Variants in FHIT observed in about 807,000 individuals in gnomAD.
The protein encoded by FHIT is fragile histidine triad diadenosine triphosphatase, also known as bis(5'-adenosyl)-triphosphatase.
Under a neutral mutation model 17.9 loss-of-function variants are expected in FHIT, and 19 were observed. The observed-to-expected ratio is 1.06, with a 90% CI of 0.74 to 1.56. The LOEUF (loss-of-function observed/expected upper bound fraction) is 1.56, where lower values mean the gene tolerates loss of function less well. Ranked by LOEUF, FHIT falls within the 40% of genes most tolerant of loss-of-function variation. The probability of loss-of-function intolerance (pLI) is 0.00; values close to 1 mark genes in which losing one functional copy is unlikely to be tolerated. For missense variants in FHIT, 248 were observed against 189.2 expected (o/e 1.31, Z -1.82); for synonymous variants, 81 against 69.7 (o/e 1.16, Z -0.81).
intron 5 of FHIT, among the ~76,000 whole-genome samples, chr3:60,188,207 C>CTTTTTTTTTTTTTTTTTT (rs1210975877): frequency 3.2e-5 from 4 of 125,574 alleles, no homozygotes; most frequent in African/African-American, 5.9e-5. Flanking sequence ...CAGTTTCTTT[C>CTTTTTTTTTTTTTTTTTT]TTTTTTTTTT....
rs1205507136 is a variant in FHIT at position 60,127,585 on chromosome 3, G to C, written c.104-113433C>G. Among the ~76,000 whole-genome samples, 3 of 151,996 alleles carry C rather than the reference G, an allele frequency of 2.0e-5. No homozygotes were observed. In the East Asian group the frequency reaches 5.8e-4, roughly 29 times the overall value. ...CATCTTATTTTTTATGCTTAAATAA[G>C]AACATTTTATTTATTTTTTATATCT... On this transcript the variant is annotated intron_variant, in intron 5 of 9. Coordinates refer to ENST00000492590, the MANE Select transcript of FHIT (RefSeq NM_002012.4).
In FHIT at chr3:60,314,705, T is replaced by C. The variant is rs149680854; in HGVS notation, c.103+222155A>G. On this transcript the variant is annotated intron_variant, in intron 5 of 9. Transcript: ENST00000492590. ...TGGCAGAATAAAAATGGCCACAAAATCTTTAACATTCCTTCCATCCAGAAG... is the reference window on the plus strand; with the variant it reads ...TGGCAGAATAAAAATGGCCACAAAACCTTTAACATTCCTTCCATCCAGAAG... Among the ~76,000 whole-genome samples the C allele has an allele frequency of 3.9e-3, 588 of 152,238 alleles. 16 individuals are homozygous for C. In the South Asian group the frequency reaches 0.067, roughly 17 times the overall value.
At chr3:59,888,275 A>G (rs1208304614) in intron 8 of FHIT, among the ~76,000 whole-genome samples, 2 of 152,214 alleles carry the variant, frequency 1.3e-5, no homozygotes, top group African/African-American at 4.8e-5. Context: ...ATAATTTTAA[A>G]AGTAGTCATG....
intron 4 of FHIT, among the ~76,000 whole-genome samples, chr3:60,751,362 A>C (rs532604298): frequency 2.0e-5 from 3 of 152,192 alleles, no homozygotes; most frequent in Non-Finnish European, 4.4e-5. Flanking sequence ...ATTGTTCTCA[A>C]ATATTTTTTT....
intron 8 of FHIT, among the ~76,000 whole-genome samples, chr3:59,788,096 C>A (rs1343968011): frequency 6.6e-6 from 1 of 152,180 alleles, no homozygotes; most frequent in East Asian, 1.9e-4. Flanking sequence ...TTGATGGTAG[C>A]AAAGGACACA....
intron 2 of FHIT, among the ~76,000 whole-genome samples, chr3:61,171,963 G>A (rs1011935941): frequency 1.3e-5 from 2 of 152,154 alleles, no homozygotes; most frequent in Non-Finnish European, 2.9e-5. Flanking sequence ...TAAACGTAGT[G>A]GTTTTGCTGA....
At chr3:60,373,644 A>G (rs1700429010) in intron 5 of FHIT, among the ~76,000 whole-genome samples, 2 of 152,192 alleles carry the variant, frequency 1.3e-5, no homozygotes, top group Admixed American at 6.5e-5. Flanking sequence ...GGTAGTAGGG[A>G]GACCAGCAAT....
intron 3 of FHIT, among the ~76,000 whole-genome samples, chr3:60,910,473 G>A (rs956047792): frequency 8.7e-5 from 13 of 149,028 alleles, no homozygotes; most frequent in East Asian, 4.0e-4. Context: ...GTGCAGTGGC[G>A]CAATCTTGGC....
intron 3 of FHIT, among the ~76,000 whole-genome samples, chr3:61,006,549 T>C (rs941902349): frequency 1.7e-4 from 25 of 151,510 alleles, no homozygotes; most frequent in African/African-American, 5.8e-4. Context: ...GAAAAAAAAG[T>C]ATGAAAAATC....
rs80202951 is a variant in FHIT, at chr3:60,874,275, G to A, written c.-110-52264C>T. Among the ~76,000 whole-genome samples, 924 of 152,186 alleles carry A rather than the reference G, an allele frequency of 6.1e-3. 3 individuals carry two copies. Among genetic ancestry groups the A allele is most frequent in the Middle Eastern group, 0.014 (4 of 294 alleles). ...TGCTGCTATCAGCAGCAGCAGCATC[G>A]GTCGGCAATCACGCCAACACTCCTC... On this transcript the variant is annotated intron_variant, in intron 3 of 9. Coordinates refer to ENST00000492590, the MANE Select transcript of FHIT (RefSeq NM_002012.4).
intron 4 of FHIT, among the ~76,000 whole-genome samples, chr3:60,592,573 C>T (rs554104493): frequency 1.2e-4 from 19 of 152,258 alleles, no homozygotes; most frequent in African/African-American, 4.3e-4. Context: ...GATGGCATTC[C>T]AGCCATGCCA....
chr3:60,488,534 C>G (rs1464491222), intron 5 of FHIT, among the ~76,000 whole-genome samples: 3 of 152,080 alleles, frequency 2.0e-5, no homozygotes, highest in Admixed American at 6.6e-5. Flanking sequence ...AGGATCTAGA[C>G]ATTGGTTCTG....
intron 4 of FHIT, chr3:60,730,251 A>C (rs148720290): frequency 2.9e-4 from 76 of 262,764 alleles, no homozygotes; most frequent in African/African-American, 1.6e-3. Context: ...CAGCCAGCTC[A>C]CTGATCATTT....
chr3:60,103,978 G>T (rs542249438), intron 5 of FHIT, among the ~76,000 whole-genome samples: 2 of 152,286 alleles, frequency 1.3e-5, no homozygotes, highest in East Asian at 3.9e-4. Context: ...CAGAAAGGAA[G>T]TAATTCCTAT....
chr3:60,191,887 G>A (rs1702416503), intron 5 of FHIT, among the ~76,000 whole-genome samples: 1 of 152,044 alleles, frequency 6.6e-6, no homozygotes, highest in South Asian at 2.1e-4. Flanking sequence ...GCCAATTACA[G>A]AAAATGAAAA....
At chr3:60,535,985 T>C (rs2035967201) in intron 5 of FHIT, 1 of 152,110 alleles carries the variant, frequency 6.6e-6, no homozygotes, top group Admixed American at 6.6e-5. Context: ...CAAAATCATG[T>C]CTCAGCGTGG....
intron 7 of FHIT, among the ~76,000 whole-genome samples, chr3:59,978,027 T>C (rs562666797): frequency 6.6e-6 from 1 of 152,322 alleles, no homozygotes; most frequent in East Asian, 1.9e-4. Context: ...GCATTTACTA[T>C]GTGCCAAACA....
At chr3:60,882,528 T>C (rs1223989515) in intron 3 of FHIT, among the ~76,000 whole-genome samples, 2 of 152,178 alleles carry the variant, frequency 1.3e-5, no homozygotes, top group African/African-American at 4.8e-5. Context: ...CATGATCAAG[T>C]GGGATTTATC....
chr3:60,735,988 A>G (rs2042125706), intron 4 of FHIT, among the ~76,000 whole-genome samples: 1 of 152,190 alleles, frequency 6.6e-6, no homozygotes, highest in Non-Finnish European at 1.5e-5. Context: ...TAAAATGGAG[A>G]TTAAAATGGT....
Sources: gnomAD v4.1 joint callset for allele counts (sites outside exome capture counted in the v4.1 genomes callset) on GRCh38, gnomAD v4.1.1 for gene constraint, MANE v1.5 for transcripts, NCBI Gene and HGNC (gene_info 2026-07-23, HGNC 2026-07-21) for gene names.